Variants in TMEM132B observed in about 807,000 individuals in gnomAD.
The protein encoded by TMEM132B is transmembrane protein 132B.
In TMEM132B, 18 loss-of-function variants were observed where a neutral mutation model predicts 90.8. The observed-to-expected ratio is 0.20, with a 90% CI of 0.14 to 0.29. The LOEUF (loss-of-function observed/expected upper bound fraction) is 0.29. Ranked by LOEUF, TMEM132B falls within the 10% of genes least tolerant of loss-of-function variation. The pLI is 1.00. For missense variants in TMEM132B, 1,096 were observed against 1,326.8 expected, an observed-to-expected ratio of 0.83 and a Z score of 2.70; for synonymous variants, 504 against 523.3, an observed-to-expected ratio of 0.96 and a Z score of 0.50.
chr12:125,531,645 G>C (rs1031095400), intron 4 of TMEM132B, among the ~76,000 whole-genome samples: 1 of 152,194 alleles, frequency 6.6e-6, no homozygotes, highest in Non-Finnish European at 1.5e-5. Context: ...GAAGGTTTCT[G>C]TCTCTTAGGT....
rs547779099 is a variant in TMEM132B at position 125,511,640 on chromosome 12, T to C, written c.1107-7799T>C. 9.9e-5 allele frequency among the ~76,000 whole-genome samples: 15 copies of C among 151,638 alleles called. No individual in the cohort carries two copies. In the South Asian group the frequency reaches 2.3e-3, roughly 23 times the overall value. ...GGCCGAGGTGGGCGGATCACGAGGT[T>C]AGGAGATCGAGAGCATCCTGGCTAA... On this transcript the variant is annotated intron_variant, in intron 3 of 8. Transcript: ENST00000682704.
intron 3 of TMEM132B, among the ~76,000 whole-genome samples, chr12:125,479,197 C>T (rs1306216444): frequency 1.3e-5 from 2 of 152,184 alleles, no homozygotes; most frequent in African/African-American, 4.8e-5. Context: ...GAAGAAACTG[C>T]ATCAACTAAT....
At chr12:125,472,793 G>C (rs1360261131) in intron 3 of TMEM132B, among the ~76,000 whole-genome samples, 1 of 152,138 alleles carries the variant, frequency 6.6e-6, no homozygotes, top group Non-Finnish European at 1.5e-5. Flanking sequence ...AAGTCTACTG[G>C]TGCCTTGATC....
At chr12:125,188,442 A>G (rs1957772610) in intron 1 of TMEM132B, among the ~76,000 whole-genome samples, 1 of 152,132 alleles carries the variant, frequency 6.6e-6, no homozygotes, top group Non-Finnish European at 1.5e-5. Flanking sequence ...GGGGGTCAGC[A>G]TTTGCCTGGA....
At chr12:125,202,083 G>T (rs1251511219) in intron 1 of TMEM132B, among the ~76,000 whole-genome samples, 1 of 152,146 alleles carries the variant, frequency 6.6e-6, no homozygotes, top group African/African-American at 2.4e-5. Context: ...TTCATGACTT[G>T]CACACAACCA....
At chr12:125,539,392 C>T (rs967912965) in intron 4 of TMEM132B, among the ~76,000 whole-genome samples, 5 of 152,216 alleles carry the variant, frequency 3.3e-5, no homozygotes, top group African/African-American at 7.2e-5. Flanking sequence ...TTCTCCCCGC[C>T]CAGGTCTTAG....
chr12:125,394,508 G>A (rs1180797931), intron 2 of TMEM132B, among the ~76,000 whole-genome samples: 1 of 152,198 alleles, frequency 6.6e-6, no homozygotes, highest in Admixed American at 6.5e-5. Context: ...GGGCGACAGG[G>A]TTGATCTGTA....
At chr12:125,604,651 A>G (rs78261160) in intron 5 of TMEM132B, among the ~76,000 whole-genome samples, 2,243 of 152,366 alleles carry the variant, frequency 0.015, 57 homozygotes, top group African/African-American at 0.05. Flanking sequence ...ATGTTTGAAC[A>G]TGTTTCCACA....
chr12:125,549,177 C>G (rs1412395868), intron 4 of TMEM132B, among the ~76,000 whole-genome samples: 1 of 152,176 alleles, frequency 6.6e-6, no homozygotes, highest in Non-Finnish European at 1.5e-5. Context: ...TATTGTTTAT[C>G]ATTGTGGAGA....
chr12:125,223,597 C>T (rs1192373305), intron 1 of TMEM132B, among the ~76,000 whole-genome samples: 1 of 152,124 alleles, frequency 6.6e-6, no homozygotes, highest in Non-Finnish European at 1.5e-5. Context: ...CAACCATCAC[C>T]ACTAATTCCA....
At chr12:125,555,065 C>A (rs188592962) in intron 4 of TMEM132B, among the ~76,000 whole-genome samples, 3 of 152,292 alleles carry the variant, frequency 2.0e-5, no homozygotes, top group African/African-American at 7.2e-5. Flanking sequence ...GGTCGCTCAT[C>A]ATGATGTGCA....
At chr12:125,329,285 G>T (rs542149931) in intron 1 of TMEM132B, among the ~76,000 whole-genome samples, 106 of 152,350 alleles carry the variant, frequency 7.0e-4, no homozygotes, top group Non-Finnish European at 4.3e-4. Context: ...TGTGAGAAAT[G>T]AATATCTGTT....
intron 5 of TMEM132B, among the ~76,000 whole-genome samples, chr12:125,629,466 A>G (rs146408483): frequency 6.6e-6 from 1 of 152,206 alleles, no homozygotes; most frequent in East Asian, 1.9e-4. Context: ...TAGAAATGCT[A>G]CTGATTTTTG....
At chr12:125,543,241 C>T (rs912975721) in intron 4 of TMEM132B, among the ~76,000 whole-genome samples, 4 of 152,166 alleles carry the variant, frequency 2.6e-5, no homozygotes, top group Non-Finnish European at 4.4e-5. Flanking sequence ...AGTCATCCCT[C>T]CCTATCTCCA....
At chr12:125,516,081 G>A (rs1432393917) in intron 3 of TMEM132B, among the ~76,000 whole-genome samples, 5 of 150,380 alleles carry the variant, frequency 3.3e-5, no homozygotes, top group Admixed American at 6.6e-5. Context: ...ACACTCTCAC[G>A]CTATCTCACA....
intron 3 of TMEM132B, among the ~76,000 whole-genome samples, chr12:125,416,146 C>G (rs952532228): frequency 7.9e-5 from 12 of 152,190 alleles, no homozygotes; most frequent in African/African-American, 2.9e-4. Context: ...CGTTCAGACA[C>G]CAGCCTTGGG....
At chr12:125,568,363 C>G (rs1010592746) in intron 4 of TMEM132B, among the ~76,000 whole-genome samples, 2 of 152,210 alleles carry the variant, frequency 1.3e-5, no homozygotes, top group African/African-American at 4.8e-5. Flanking sequence ...TATCCATCCC[C>G]TCCAGCACTT....
chr12:125,222,784 C>A (rs1379934784), intron 1 of TMEM132B, among the ~76,000 whole-genome samples: 1 of 152,220 alleles, frequency 6.6e-6, no homozygotes, highest in African/African-American at 2.4e-5. Context: ...AGTAGTACCA[C>A]CCACCCTGCA....
chr12:125,568,545 A>G (rs961075696), intron 4 of TMEM132B, among the ~76,000 whole-genome samples: 2 of 152,200 alleles, frequency 1.3e-5, no homozygotes, highest in African/African-American at 4.8e-5. Flanking sequence ...GAGTGCTAAC[A>G]GATCATCACA....
Sources: allele counts gnomAD v4.1 joint callset (sites outside exome capture counted in the v4.1 genomes callset), GRCh38; gene constraint gnomAD v4.1.1; transcripts MANE v1.5; gene names NCBI Gene and HGNC (gene_info 2026-07-23, HGNC 2026-07-21).